INKA2: variants seen among roughly 807,000 people sequenced by gnomAD.
INKA2 encodes the protein PAK4-inhibitor INKA2.
INKA2 carries 3 observed loss-of-function variants against 9.8 expected under a neutral mutation model. That is an observed-to-expected ratio of 0.31 (90% CI 0.14 to 0.79). INKA2 has a LOEUF of 0.79. INKA2 is among the 30% of genes least tolerant of loss of function. The pLI, the probability that INKA2 is intolerant of heterozygous loss-of-function variation, is 0.62. For synonymous variants in INKA2, 147 were observed against 143.3 expected (o/e 1.03, Z -0.18); for missense variants, 392 against 384.4 (o/e 1.02, Z -0.17).
At chr1:111,736,465 G>T (rs1663009183) in intron 1 of INKA2, among the ~76,000 whole-genome samples, 1 of 152,236 alleles carries the variant, frequency 6.6e-6, no homozygotes, top group Non-Finnish European at 1.5e-5. Flanking sequence ...TGCAGGAGGG[G>T]AGCACAAAAC....
intron 1 of INKA2, among the ~76,000 whole-genome samples, chr1:111,730,465 G>A (rs954849977): frequency 4.6e-5 from 7 of 152,030 alleles, no homozygotes; most frequent in Non-Finnish European, 1.0e-4. Flanking sequence ...CTTCCGAACC[G>A]CCAGACACGT....
chr1:111,755,776 T>A, exon 1 of INKA2: 3 of 1,612,688 alleles, frequency 1.9e-6, no homozygotes, highest in Non-Finnish European at 2.5e-6. Context: ...GGGCAGTCTC[T>A]CAGCCTCCGA....
At chr1:111,738,608 G>C (rs997355135) in intron 1 of INKA2, among the ~76,000 whole-genome samples, 1 of 152,114 alleles carries the variant, frequency 6.6e-6, no homozygotes. Flanking sequence ...AGCCCAGGCA[G>C]ACAGCCGGCC....
chr1:111,724,448 C>G lies in INKA2; in HGVS notation c.*2520G>C, dbSNP rs1001557806. 3.9e-5 allele frequency: 6 copies of G among 152,206 alleles called. No individual in the cohort carries two copies. Among genetic ancestry groups the G allele is most frequent in the African/African-American group, 1.4e-4 (6 of 41,418 alleles). 9.4% of individuals were successfully genotyped at this position (152,206 alleles called of 1,614,324 possible). A position where few individuals can be genotyped will look rare whatever the true frequency, so the allele number is the denominator to read the frequency against. On this transcript the variant is annotated 3_prime_UTR_variant, in exon 2 of 2. Coordinates refer to ENST00000357260, the MANE Select transcript of INKA2 (RefSeq NM_019099.5). ...CCACAGACTCATTCCAGACTTGGAG[C>G]TGGTGTCATCTTGAATAATATGCTA...
chr1:111,744,710 G>A (rs1663222879), intron 1 of INKA2, among the ~76,000 whole-genome samples: 1 of 152,008 alleles, frequency 6.6e-6, no homozygotes, highest in African/African-American at 2.4e-5. Context: ...GGGACTACAT[G>A]TGTGCAGACT....
intron 1 of INKA2, among the ~76,000 whole-genome samples, chr1:111,748,179 A>G (rs180909063): frequency 6.6e-6 from 1 of 152,252 alleles, no homozygotes; most frequent in African/African-American, 2.4e-5. Context: ...CTGACGGCCC[A>G]TGAAGCAAGC....
intron 1 of INKA2, among the ~76,000 whole-genome samples, chr1:111,751,383 T>G (rs12125399): frequency 0.11 from 17,289 of 152,300 alleles, 1,033 homozygotes; most frequent in African/African-American, 0.14. Flanking sequence ...ATGTCAGTAC[T>G]GCATATGATT....
At chr1:111,753,616 T>C (rs1663455596) in intron 1 of INKA2, among the ~76,000 whole-genome samples, 1 of 152,226 alleles carries the variant, frequency 6.6e-6, no homozygotes, top group South Asian at 2.1e-4. Flanking sequence ...CCTGTGGTTC[T>C]TCAGCAGTGA....
At chr1:111,731,354 T>G (rs141711185) in intron 1 of INKA2, among the ~76,000 whole-genome samples, 1 of 151,972 alleles carries the variant, frequency 6.6e-6, no homozygotes, top group East Asian at 1.9e-4. Context: ...AATTTCTCCA[T>G]GCTTTTTTTT....
Position 111,727,660 on chromosome 1 carries a change from C to T in INKA2, c.202G>A (p.Glu68Lys), listed in dbSNP as rs143162290. 215 of 1,610,208 alleles carry T rather than the reference C, an allele frequency of 1.3e-4. No individual in the cohort carries two copies. The highest frequency in any genetic ancestry group is 1.6e-4 in the Non-Finnish European group (187 of 1,177,988). Residue 68 changes from glutamate to lysine, a missense_variant, in exon 2 of 2, where the codon GAA becomes AAA. Glu to Lys is a moderately conservative substitution (Grantham distance 56). Coordinates refer to ENST00000357260, the MANE Select transcript of INKA2 (RefSeq NM_019099.5). Reference sequence around the variant, plus strand: ...TGCTCGCACTGGGTCCTGGGACCTTCAGGGCTGCCTGGCACAGGACCCCCT... The same window carrying T: ...TGCTCGCACTGGGTCCTGGGACCTTTAGGGCTGCCTGGCACAGGACCCCCT... ...SGGGPVPGSPEGPRTQCEHPC... is the reference protein window; with the variant it reads ...SGGGPVPGSPKGPRTQCEHPC...
chr1:111,730,516 C>T (rs942037544), intron 1 of INKA2, among the ~76,000 whole-genome samples: 5 of 152,222 alleles, frequency 3.3e-5, no homozygotes, highest in Non-Finnish European at 7.3e-5. Flanking sequence ...CTCCTGTCAT[C>T]TCCGTGGCTC....
intron 1 of INKA2, among the ~76,000 whole-genome samples, chr1:111,751,336 C>T (rs751214077): frequency 2.5e-4 from 38 of 152,226 alleles, no homozygotes; most frequent in South Asian, 4.1e-4. Flanking sequence ...CTCTCTCCCA[C>T]GACAGCCACA....
chr1:111,726,356 AT>A lies in INKA2; in HGVS notation c.*611del. The A allele has an allele frequency of 3.1e-6, 1 of 323,936 alleles. No individual in the cohort carries two copies. Among genetic ancestry groups the A allele is most frequent in the East Asian group, 4.8e-5 (1 of 20,794 alleles). The allele number at this position is 323,936 out of a possible 1,614,324, so 20.1% of individuals were successfully genotyped here. ...ACACACTGTACTCCTTATTCAGCTC[AT>A]TTTCTCAGAGTCCAGGTATGGACTG... is the stretch of plus-strand genomic sequence containing the variant. On this transcript the variant is annotated 3_prime_UTR_variant, in exon 2 of 2. Transcript: ENST00000357260.
chr1:111,741,409 G>A (rs1259830945), upstream of INKA2, among the ~76,000 whole-genome samples: 1 of 152,210 alleles, frequency 6.6e-6, no homozygotes, highest in African/African-American at 2.4e-5. Flanking sequence ...TGCAGCTGTG[G>A]GCAGAAATTC....
intron 1 of INKA2, among the ~76,000 whole-genome samples, chr1:111,736,741 A>G (rs1663015885): frequency 6.6e-6 from 1 of 152,172 alleles, no homozygotes; most frequent in African/African-American, 2.4e-5. Flanking sequence ...CATGACAGAA[A>G]CCAACTGTAT....
chr1:111,729,827 G>A (rs775509465), intron 1 of INKA2, among the ~76,000 whole-genome samples: 10 of 152,230 alleles, frequency 6.6e-5, no homozygotes, highest in Non-Finnish European at 1.3e-4. Context: ...TGCCAACCCT[G>A]GCCCTGGGGG....
In INKA2 at chr1:111,727,324, C is replaced by G. The variant is rs766824312; in HGVS notation, c.538G>C (p.Glu180Gln). 1.2e-6 allele frequency: 2 copies of G among 1,614,200 alleles called. No homozygotes were observed. Among genetic ancestry groups the G allele is most frequent in the Non-Finnish European group, 1.7e-6 (2 of 1,180,024 alleles). ...LDLPELEKGG[E>Q]KGETGGAREP... ...CGTGCCCCCCCAGTCTCACCCTTCTCCCCACCCTTCTCCAGTTCTGGCAAG... is the reference window on the plus strand; with the variant it reads ...CGTGCCCCCCCAGTCTCACCCTTCTGCCCACCCTTCTCCAGTTCTGGCAAG... The change falls in exon 2 of 2, where the codon GAG becomes CAG. Residue 180 changes from glutamate (E) to glutamine (Q), a missense_variant. Physicochemically the swap from Glu to Gln is conservative, Grantham distance 29 (BLOSUM62 2). Coordinates refer to ENST00000357260, the MANE Select transcript of INKA2 (RefSeq NM_019099.5).
chr1:111,722,880 C>T lies in INKA2; in HGVS notation c.*4088G>A. On this transcript the variant is annotated 3_prime_UTR_variant, in exon 2 of 2. Coordinates refer to ENST00000357260, the MANE Select transcript of INKA2 (RefSeq NM_019099.5). ...GCCTCTACTAAGGGGATGGGTTGTC[C>T]AGTATCTGCTGAGCTTCTGCTGTAT... 1 of 544,666 alleles carries T rather than the reference C, an allele frequency of 1.8e-6. No homozygotes were observed. The highest frequency in any genetic ancestry group is 3.3e-6 in the Non-Finnish European group (1 of 307,038). 33.7% of individuals were successfully genotyped at this position (544,666 alleles called of 1,614,324 possible). A position where few individuals can be genotyped will look rare whatever the true frequency, so the allele number is the denominator to read the frequency against.
intron 1 of INKA2, among the ~76,000 whole-genome samples, chr1:111,738,949 C>T (rs916164236): frequency 6.6e-6 from 1 of 152,186 alleles, no homozygotes; most frequent in Non-Finnish European, 1.5e-5. Flanking sequence ...TGGCTTGCTC[C>T]CTCTGTCTCT....
Sources: gnomAD v4.1 joint callset for allele counts (sites outside exome capture counted in the v4.1 genomes callset) on GRCh38, gnomAD v4.1.1 for gene constraint, MANE v1.5 for transcripts, NCBI Gene and HGNC (gene_info 2026-07-23, HGNC 2026-07-21) for gene names.